The following CA13 variants were observed in gnomAD, a reference collection of about 807,000 sequenced individuals.
CA13 encodes CA-XIII.
In CA13, 21 loss-of-function variants were observed where a neutral mutation model predicts 31.5. The ratio of observed to expected loss-of-function variants is 0.67; its 90% CI spans 0.47 to 0.96. CA13 has a LOEUF of 0.96. CA13 is among the 40% of genes least tolerant of loss of function. The pLI, the probability that CA13 is intolerant of heterozygous loss-of-function variation, is 0.00. For missense variants in CA13, 315 were observed against 318.9 expected (o/e 0.99, Z 0.09); for synonymous variants, 117 against 111.4 (o/e 1.05, Z -0.32).
rs148840516 is a variant in CA13 at position 85,270,049 on chromosome 8, A to G, written c.669+1422A>G. ...GTATATCCAGTCTTTAATGTTCAGA[A>G]ACTGTGCTTGAGGTGTGAACCATGG... On this transcript the variant is annotated intron_variant, in intron 6 of 6. Coordinates refer to ENST00000321764, the MANE Select transcript of CA13 (RefSeq NM_198584.3). 8.9e-4 allele frequency among the ~76,000 whole-genome samples: 136 copies of G among 152,292 alleles called. 1 individual carries two copies. Among genetic ancestry groups the G allele is most frequent in the African/African-American group, 3.0e-3 (124 of 41,554 alleles).
At chr8:85,276,873 G>T (rs944855955) in intron 6 of CA13, among the ~76,000 whole-genome samples, 1 of 142,312 alleles carries the variant, frequency 7.0e-6, no homozygotes, top group African/African-American at 2.6e-5. Flanking sequence ...TACACCAATC[G>T]GCACTCTTTA....
chr8:85,261,950 A>T (rs1231006017), intron 3 of CA13, among the ~76,000 whole-genome samples: 1 of 151,888 alleles, frequency 6.6e-6, no homozygotes, highest in Non-Finnish European at 1.5e-5. Context: ...GGTTCAAGGG[A>T]TCCTCCCACC....
chr8:85,256,509 A>G (rs1463922937), intron 2 of CA13, among the ~76,000 whole-genome samples: 3 of 152,226 alleles, frequency 2.0e-5, no homozygotes, highest in Admixed American at 2.0e-4. Flanking sequence ...AGTTCTAGGT[A>G]ACTGCCTGAA....
chr8:85,273,664 A>G (rs1807560106), intron 6 of CA13, among the ~76,000 whole-genome samples: 1 of 152,004 alleles, frequency 6.6e-6, no homozygotes, highest in African/African-American at 2.4e-5. Context: ...ACTATGTAGC[A>G]GTCAGATCAG....
At position 85,283,293 on chromosome 8, in the gene CA13, G is replaced by A. The variant is rs547767164; in HGVS notation, c.*1944G>A. The A allele has an allele frequency of 6.6e-6, 1 of 152,320 alleles. No individual in the cohort carries two copies. The highest frequency in any genetic ancestry group is 6.5e-5 in the Admixed American group (1 of 15,298). 9.4% of individuals were successfully genotyped at this position (152,320 alleles called of 1,614,324 possible). A position where few individuals can be genotyped will look rare whatever the true frequency, so the allele number is the denominator to read the frequency against. ...GAATAACTGAATATCAGTAAATTGT[G>A]TAACAGTGGTGGATACTGTTGCATA... On this transcript the variant is annotated 3_prime_UTR_variant, in exon 7 of 7. Coordinates refer to ENST00000321764, the MANE Select transcript of CA13 (RefSeq NM_198584.3).
chr8:85,258,658 A>G (rs1156729608), intron 2 of CA13, among the ~76,000 whole-genome samples: 1 of 143,982 alleles, frequency 6.9e-6, no homozygotes, highest in Non-Finnish European at 1.5e-5. Context: ...GTTTGTTGCC[A>G]GGTGTGGTAG....
chr8:85,259,587 A>C (rs4739699), intron 3 of CA13, 48 bp downstream of exon 3: 1 of 1,523,382 alleles, frequency 6.6e-7, no homozygotes, highest in East Asian at 2.3e-5. Context: ...CACATGGTGG[A>C]ATTTAAGGGG....
intron 2 of CA13, among the ~76,000 whole-genome samples, chr8:85,252,778 T>A (rs948304900): frequency 1.3e-5 from 2 of 152,194 alleles, no homozygotes; most frequent in Non-Finnish European, 2.9e-5. Flanking sequence ...AGTTAATTTT[T>A]AAAAATCCTT....
intron 4 of CA13, chr8:85,267,220 T>C: frequency 1.0e-6 from 1 of 988,678 alleles, no homozygotes; most frequent in Non-Finnish European, 1.2e-6. Context: ...CTTGTAGGTG[T>C]GCCCCTTTGT....
rs185242720 is a variant in CA13, at chr8:85,266,887, T to C, written c.450+184T>C. ...GAGCATTGTCTTATAAGTCTTCTTA[T>C]TGTCCATTGATCATTTTTATGTGAA... On this transcript the variant is annotated intron_variant, in intron 4 of 6. Transcript: ENST00000321764. Among the ~76,000 whole-genome samples, 3 of 152,354 alleles carry C rather than the reference T, an allele frequency of 2.0e-5. No individual in the cohort carries two copies. The East Asian group carries it at 5.8e-4, about 29-fold the overall frequency.
intron 2 of CA13, among the ~76,000 whole-genome samples, chr8:85,252,282 T>G (rs1484664830): frequency 1.3e-5 from 2 of 151,934 alleles, no homozygotes; most frequent in African/African-American, 4.8e-5. Context: ...AGTAAAATAA[T>G]TTTAAAAGTT....
intron 3 of CA13, among the ~76,000 whole-genome samples, chr8:85,261,075 C>A (rs571556102): frequency 1.3e-5 from 2 of 151,970 alleles, no homozygotes; most frequent in Non-Finnish European, 2.9e-5. Flanking sequence ...TAGACAAAGA[C>A]TTTTTTGTTG....
chr8:85,281,244 C>G lies in CA13; in HGVS notation c.684C>G (p.Arg228=). ...TTCTTCTACAGCTGGCCAAATTTCGCAGTCTCCTGTGCACAGCGGAGGGTG... is the reference window on the plus strand; with the variant it reads ...TTCTTCTACAGCTGGCCAAATTTCGGAGTCTCCTGTGCACAGCGGAGGGTG... ...NISSQQLAKF[R]SLLCTAEGEA... Residue 228 remains arginine, a synonymous_variant, in exon 7 of 7, where the codon CGC becomes CGG. Coordinates refer to ENST00000321764, the MANE Select transcript of CA13 (RefSeq NM_198584.3). The G allele has an allele frequency of 6.2e-7, 1 of 1,613,288 alleles. No homozygotes were observed. The highest frequency in any genetic ancestry group is 2.2e-5 in the East Asian group (1 of 44,860).
intron 2 of CA13, among the ~76,000 whole-genome samples, chr8:85,253,829 G>C (rs1185839557): frequency 6.6e-6 from 1 of 152,116 alleles, no homozygotes; most frequent in Non-Finnish European, 1.5e-5. Flanking sequence ...AACATAGGGA[G>C]ACCCCATCTC....
At chr8:85,256,382 T>C (rs1237239650) in intron 2 of CA13, among the ~76,000 whole-genome samples, 3 of 152,194 alleles carry the variant, frequency 2.0e-5, no homozygotes, top group Admixed American at 6.5e-5. Context: ...AAAAAGAAAG[T>C]TGTCTTCTGA....
chr8:85,266,198 AT>A (rs1482781878), intron 3 of CA13, among the ~76,000 whole-genome samples: 2 of 152,136 alleles, frequency 1.3e-5, no homozygotes, highest in African/African-American at 4.8e-5. Flanking sequence ...TTAAAAATTT[AT>A]TTATTTTCTG....
chr8:85,265,307 C>T (rs894718866), intron 3 of CA13, among the ~76,000 whole-genome samples: 12 of 152,158 alleles, frequency 7.9e-5, no homozygotes, highest in Non-Finnish European at 1.6e-4. Context: ...TTAGGCATGT[C>T]GCATTGCCCT....
At chr8:85,274,565 A>G (rs1439406919) in intron 6 of CA13, among the ~76,000 whole-genome samples, 1 of 152,222 alleles carries the variant, frequency 6.6e-6, no homozygotes, top group African/African-American at 2.4e-5. Context: ...TAAGACAGCA[A>G]TTAGCGATAT....
At chr8:85,268,385 A>G (rs1587542201) in intron 5 of CA13, 87 bp from the exon 6 acceptor site, 1 of 1,119,978 alleles carries the variant, frequency 8.9e-7, no homozygotes, top group East Asian at 2.4e-5. Context: ...TTATGGAATT[A>G]TAATGGAAGT....
Sources: gnomAD v4.1 joint callset for allele counts (sites outside exome capture counted in the v4.1 genomes callset) on GRCh38, gnomAD v4.1.1 for gene constraint, MANE v1.5 for transcripts, NCBI Gene and HGNC (gene_info 2026-07-23, HGNC 2026-07-21) for gene names.